Variants in STXBP5L observed in about 807,000 individuals in gnomAD.
STXBP5L encodes syntaxin-binding protein 5-like.
In STXBP5L, 65 loss-of-function variants were observed where a neutral mutation model predicts 144.5. The observed-to-expected ratio is 0.45, with a 90% CI of 0.37 to 0.55. The LOEUF is 0.55. Among genes scored for constraint, STXBP5L ranks in the 20% least tolerant of loss-of-function variants. STXBP5L has a pLI of 0.00. For synonymous variants in STXBP5L, 505 were observed against 469.6 expected, an observed-to-expected ratio of 1.08 and a Z score of -0.97; for missense variants, 1,298 against 1,405.5, an observed-to-expected ratio of 0.92 and a Z score of 1.22.
At chr3:121,127,761 A>C (rs1211770176) in intron 7 of STXBP5L, among the ~76,000 whole-genome samples, 1 of 151,930 alleles carries the variant, frequency 6.6e-6, no homozygotes, top group Non-Finnish European at 1.5e-5. Flanking sequence ...GGGATGGAAA[A>C]ATTTATATAG....
In STXBP5L at chr3:121,152,531, A is replaced by C. The variant is rs2045966822; in HGVS notation, c.724A>C (p.Arg242=). ...AGTATTCTGGGACTTGAAATCTAAA[A>C]GAGCAGAACTGAGAGTTTATTATGA... ...TVVFWDLKSK[R]AELRVYYDEA... Residue 242 remains arginine, a synonymous_variant, in exon 8 of 27, where the codon AGA becomes CGA. Coordinates refer to ENST00000471454, the MANE Select transcript of STXBP5L (RefSeq NM_001308330.2). 1 of 1,608,790 alleles carries C rather than the reference A, an allele frequency of 6.2e-7. No individual in the cohort carries two copies. Among genetic ancestry groups the C allele is most frequent in the South Asian group, 1.1e-5 (1 of 90,550 alleles).
chr3:120,968,471 A>G (rs1340369697), intron 3 of STXBP5L, among the ~76,000 whole-genome samples: 3 of 151,814 alleles, frequency 2.0e-5, no homozygotes, highest in Non-Finnish European at 2.9e-5. Flanking sequence ...TCATCCCTTC[A>G]CTTTCAGTTT....
chr3:121,409,186 GAA>G (rs1470513518), intron 23 of STXBP5L, among the ~76,000 whole-genome samples: 1 of 151,820 alleles, frequency 6.6e-6, no homozygotes, highest in Non-Finnish European at 1.5e-5. Flanking sequence ...AAAGAAACAA[GAA>G]ATTGACTGAG....
chr3:121,283,682 A>G (rs1270267519), intron 19 of STXBP5L, among the ~76,000 whole-genome samples: 2 of 151,972 alleles, frequency 1.3e-5, no homozygotes, highest in African/African-American at 4.8e-5. Flanking sequence ...ATATGCCCAC[A>G]AGGCCTAAAA....
At chr3:121,106,495 G>A (rs2043716260) in intron 5 of STXBP5L, among the ~76,000 whole-genome samples, 1 of 152,086 alleles carries the variant, frequency 6.6e-6, no homozygotes, top group Non-Finnish European at 1.5e-5. Flanking sequence ...AACATGCGGT[G>A]TTTGGTTTTC....
chr3:121,370,468 G>A (rs1250515904), intron 20 of STXBP5L, among the ~76,000 whole-genome samples: 1 of 152,208 alleles, frequency 6.6e-6, no homozygotes, highest in Non-Finnish European at 1.5e-5. Flanking sequence ...GGCCTCCTCA[G>A]AAGCAGAAGC....
intron 20 of STXBP5L, among the ~76,000 whole-genome samples, chr3:121,326,548 G>A (rs1044867692): frequency 6.6e-6 from 1 of 151,986 alleles, no homozygotes; most frequent in African/African-American, 2.4e-5. Context: ...TTAATTTAAT[G>A]TTGTATTTAT....
intron 2 of STXBP5L, among the ~76,000 whole-genome samples, chr3:120,931,532 G>A (rs901893068): frequency 2.6e-5 from 4 of 152,286 alleles, no homozygotes; most frequent in African/African-American, 9.6e-5. Context: ...CAGGTAAACT[G>A]CAGCTTACAG....
chr3:121,071,485 C>A (rs2331527), intron 5 of STXBP5L, among the ~76,000 whole-genome samples: 32,471 of 152,066 alleles, frequency 0.21, 3,697 homozygotes, highest in Non-Finnish European at 0.26. Flanking sequence ...GCAGGATCAG[C>A]CATGTTGGGT....
At chr3:121,325,967 G>A (rs1044743049) in intron 20 of STXBP5L, among the ~76,000 whole-genome samples, 2 of 150,748 alleles carry the variant, frequency 1.3e-5, no homozygotes, top group African/African-American at 4.9e-5. Context: ...TGATTATTTG[G>A]CCCAAATTAT....
At chr3:121,027,777 A>G (rs1329911945) in intron 3 of STXBP5L, among the ~76,000 whole-genome samples, 1 of 152,082 alleles carries the variant, frequency 6.6e-6, no homozygotes, top group East Asian at 1.9e-4. Context: ...TCACCTTGTC[A>G]TGTAACATAA....
intron 5 of STXBP5L, among the ~76,000 whole-genome samples, chr3:121,095,666 T>C (rs1175519857): frequency 6.6e-6 from 1 of 152,174 alleles, no homozygotes; most frequent in Admixed American, 6.5e-5. Flanking sequence ...TGTACATTGG[T>C]TATTCTAGTT....
intron 19 of STXBP5L, among the ~76,000 whole-genome samples, chr3:121,297,067 G>C (rs994001388): frequency 2.6e-5 from 4 of 152,166 alleles, no homozygotes; most frequent in African/African-American, 9.7e-5. Context: ...GGGTATAAAA[G>C]ATTGAGTGTT....
intron 9 of STXBP5L, among the ~76,000 whole-genome samples, chr3:121,175,832 T>A (rs1332960620): frequency 6.7e-6 from 1 of 148,442 alleles, no homozygotes; most frequent in Non-Finnish European, 1.5e-5. Context: ...AAACTTTAAA[T>A]ACAAAACTAT....
chr3:121,072,771 G>C (rs1477599662), intron 5 of STXBP5L, among the ~76,000 whole-genome samples: 1 of 152,136 alleles, frequency 6.6e-6, no homozygotes, highest in Non-Finnish European at 1.5e-5. Flanking sequence ...CTTTGCAATG[G>C]ATGACTGCTA....
chr3:121,169,828 G>T (rs1199497684), intron 9 of STXBP5L, among the ~76,000 whole-genome samples: 2 of 152,160 alleles, frequency 1.3e-5, no homozygotes, highest in African/African-American at 4.8e-5. Context: ...CTTGAACTCA[G>T]CTCTGGACCA....
intron 20 of STXBP5L, among the ~76,000 whole-genome samples, chr3:121,330,927 T>A (rs371240146): frequency 3.3e-5 from 5 of 152,210 alleles, no homozygotes; most frequent in South Asian, 4.1e-4. Flanking sequence ...GTCACCACCA[T>A]CAGAGCTGGT....
intron 20 of STXBP5L, among the ~76,000 whole-genome samples, chr3:121,342,191 C>G (rs147056510): frequency 6.6e-6 from 1 of 151,958 alleles, no homozygotes; most frequent in East Asian, 1.9e-4. Flanking sequence ...CAGTTCAAAC[C>G]CTTGCTGTTC....
At chr3:121,365,442 A>T (rs1369163151) in intron 20 of STXBP5L, among the ~76,000 whole-genome samples, 1 of 151,444 alleles carries the variant, frequency 6.6e-6, no homozygotes, top group Non-Finnish European at 1.5e-5. Flanking sequence ...GTTACTGATT[A>T]AATCTTTTTA....
Sources: gnomAD v4.1 joint callset for allele counts (sites outside exome capture counted in the v4.1 genomes callset) on GRCh38, gnomAD v4.1.1 for gene constraint, MANE v1.5 for transcripts, NCBI Gene and HGNC (gene_info 2026-07-23, HGNC 2026-07-21) for gene names.